Variants in HHLA1 observed in about 807,000 individuals in gnomAD.
The protein encoded by HHLA1 is HHLA1 neighbor of OC90, also known as HERV-H LTR-associating protein 1.
Under a neutral mutation model 69.9 loss-of-function variants are expected in HHLA1, and 72 were observed. The ratio of observed to expected loss-of-function variants is 1.03; its 90% confidence interval spans 0.85 to 1.25. HHLA1 has a LOEUF of 1.25. HHLA1 is among the 50% of genes most tolerant of loss of function. HHLA1 has a pLI of 0.00. For missense variants in HHLA1, 685 were observed against 642.2 expected (o/e 1.07, Z -0.72); for synonymous variants, 252 against 233.2 (o/e 1.08, Z -0.73).
chr8:132,084,144 G>T (rs1338304273), intron 10 of HHLA1, among the ~76,000 whole-genome samples: 5 of 152,168 alleles, frequency 3.3e-5, no homozygotes, highest in Admixed American at 2.0e-4. Flanking sequence ...CTTTTTAAGA[G>T]TAAATTGCTG....
At chr8:132,106,370 T>C (rs542486804) in intron 1 of HHLA1, among the ~76,000 whole-genome samples, 1 of 152,326 alleles carries the variant, frequency 6.6e-6, no homozygotes, top group Admixed American at 6.5e-5. Flanking sequence ...TTTAAATAGC[T>C]TTTTGATTAT....
In HHLA1 at chr8:132,075,719, G is replaced by A. The variant is rs142202303; in HGVS notation, c.1315+336C>T. Among the ~76,000 whole-genome samples the A allele has an allele frequency of 5.3e-5, 8 of 152,256 alleles. No homozygotes were observed. The South Asian group carries it at 8.3e-4, about 16-fold the overall frequency. On this transcript the variant is annotated intron_variant, in intron 14 of 16. Transcript: ENST00000414222. Reference sequence around the variant, plus strand: ...CATGCTACCCAATAGACATTCACTCGATAAAAGTTGATTGAATTAAGTTCT... The same window carrying A: ...CATGCTACCCAATAGACATTCACTCAATAAAAGTTGATTGAATTAAGTTCT...
chr8:132,080,187 T>C lies in HHLA1; in HGVS notation c.677-221A>G, dbSNP rs1359080307. 8.9e-6 allele frequency: 6 copies of C among 675,964 alleles called. No individual in the cohort carries two copies. In the South Asian group the frequency reaches 9.0e-5, roughly 10 times the overall value. 41.9% of individuals were successfully genotyped at this position (675,964 alleles called of 1,614,324 possible). ...CCTCTCCAGGACTCTGGTACATGTCTTTGGAAGAGGAATTAGTCTCCTCCA... is the reference window on the plus strand; with the variant it reads ...CCTCTCCAGGACTCTGGTACATGTCCTTGGAAGAGGAATTAGTCTCCTCCA... On this transcript the variant is annotated intron_variant, in intron 10 of 16. Transcript: ENST00000414222.
chr8:132,076,410 C>G, intron 13 of HHLA1, 65 bp downstream of exon 13: 1 of 975,216 alleles, frequency 1.0e-6, no homozygotes, highest in Non-Finnish European at 1.6e-6. Flanking sequence ...ACGCCCTTGT[C>G]CCCAAGCTTC....
At position 132,082,487 on chromosome 8, in the gene HHLA1, C is replaced by T. The variant is rs530111312; in HGVS notation, c.677-2521G>A. ...AGATGCTGGGGTTTGAGAGATCAGTCGGACATGATTGGCAGGGAGAGCACG... is the reference window on the plus strand; with the variant it reads ...AGATGCTGGGGTTTGAGAGATCAGTTGGACATGATTGGCAGGGAGAGCACG... On this transcript the variant is annotated intron_variant, in intron 10 of 16. Transcript: ENST00000414222. 1.4e-4 allele frequency among the ~76,000 whole-genome samples: 22 copies of T among 152,080 alleles called. No individual in the cohort carries two copies. The East Asian group carries it at 1.9e-3, about 13-fold the overall frequency.
chr8:132,084,738 A>G (rs1487713879), intron 10 of HHLA1, among the ~76,000 whole-genome samples: 2 of 150,082 alleles, frequency 1.3e-5, no homozygotes, highest in Non-Finnish European at 3.0e-5. Flanking sequence ...AGGCAAGCCT[A>G]GAGAAAAGAC....
intron 2 of HHLA1, among the ~76,000 whole-genome samples, chr8:132,104,370 C>A (rs189581543): frequency 9.2e-5 from 14 of 152,184 alleles, no homozygotes; most frequent in Admixed American, 7.2e-4. Context: ...ATGGATGGTG[C>A]TATTGAGTGC....
At chr8:132,072,776 A>G (rs1007528720) in intron 14 of HHLA1, among the ~76,000 whole-genome samples, 12 of 152,236 alleles carry the variant, frequency 7.9e-5, no homozygotes, top group African/African-American at 2.9e-4. Flanking sequence ...TGATTTTACA[A>G]CTAGCAAGGG....
intron 7 of HHLA1, 77 bp from the exon 8 acceptor site, chr8:132,089,676 C>T: frequency 1.3e-6 from 1 of 758,698 alleles, no homozygotes; most frequent in Non-Finnish European, 2.3e-6. Flanking sequence ...TTGGATTTTT[C>T]AGAGTAAATT....
chr8:132,076,425 C>T, intron 13 of HHLA1, 50 bp downstream of exon 13: 1 of 683,334 alleles, frequency 1.5e-6, no homozygotes, highest in Admixed American at 2.6e-5. Context: ...AGCTTCCCAC[C>T]CCTCCCATCC....
chr8:132,081,044 C>G (rs1317812576), intron 10 of HHLA1: 1 of 152,042 alleles, frequency 6.6e-6, no homozygotes, highest in Non-Finnish European at 1.5e-5. Flanking sequence ...TAGAGAGTGC[C>G]TAAGGAGATT....
chr8:132,105,278 C>G lies in HHLA1; in HGVS notation c.-13G>C, dbSNP rs1334118528. ...GGAAGCCCAGCATGCTTGTGATACTCTGGCCCACCTGGAATGAAGCAAGCA... is the reference window on the plus strand; with the variant it reads ...GGAAGCCCAGCATGCTTGTGATACTGTGGCCCACCTGGAATGAAGCAAGCA... On this transcript the variant is annotated 5_prime_UTR_variant, in exon 2 of 17. Coordinates refer to ENST00000414222, the MANE Select transcript of HHLA1 (RefSeq NM_001145095.3). 6.5e-7 allele frequency: 1 copy of G among 1,550,352 alleles called. No homozygotes were observed. Among genetic ancestry groups the G allele is most frequent in the Admixed American group, 2.0e-5 (1 of 51,006 alleles).
At chr8:132,089,470 G>T in intron 8 of HHLA1, 46 bp downstream of exon 8, 1 of 1,005,120 alleles carries the variant, frequency 9.9e-7, no homozygotes, top group Non-Finnish European at 1.5e-6. Flanking sequence ...TACCACAACA[G>T]ATGCTAAACC....
At chr8:132,097,443 G>A (rs113628041) in intron 5 of HHLA1, among the ~76,000 whole-genome samples, 47 of 152,264 alleles carry the variant, frequency 3.1e-4, no homozygotes, top group Middle Eastern at 3.4e-3. Flanking sequence ...ACGCCTCAAC[G>A]TCTGCATCTA....
chr8:132,100,905 C>A (rs1006008097), intron 3 of HHLA1, among the ~76,000 whole-genome samples: 1 of 152,336 alleles, frequency 6.6e-6, no homozygotes, highest in African/African-American at 2.4e-5. Flanking sequence ...TCACACTGCA[C>A]TTGTAACTAC....
chr8:132,084,207 T>C (rs557818635), intron 10 of HHLA1, among the ~76,000 whole-genome samples: 1 of 151,442 alleles, frequency 6.6e-6, no homozygotes, highest in African/African-American at 2.4e-5. Context: ...GGACCAGGTG[T>C]GAGGAGGGGA....
intron 12 of HHLA1, 42 bp from the exon 13 acceptor site, chr8:132,076,585 G>A: frequency 1.5e-6 from 2 of 1,368,106 alleles, no homozygotes; most frequent in South Asian, 1.5e-5. Flanking sequence ...ATCTCTTCTA[G>A]GGGGCCCTGA....
At chr8:132,094,181 T>C (rs1399896199) in intron 7 of HHLA1, among the ~76,000 whole-genome samples, 1 of 33,528 alleles carries the variant, frequency 3.0e-5, no homozygotes. Context: ...GAGTTTGTAA[T>C]ATGGTGGAAG....
intron 15 of HHLA1, chr8:132,070,181 G>C (rs1823509838): frequency 1.0e-5 from 6 of 601,618 alleles, no homozygotes; most frequent in Non-Finnish European, 1.8e-5. Context: ...CAGGCCACTG[G>C]AGCAGGAGTA....
Sources: allele counts gnomAD v4.1 joint callset (sites outside exome capture counted in the v4.1 genomes callset), GRCh38; gene constraint gnomAD v4.1.1; transcripts MANE v1.5; gene names NCBI Gene and HGNC (gene_info 2026-07-23, HGNC 2026-07-21).